The following CHD9 variants were observed in gnomAD, a reference collection of about 807,000 sequenced individuals.
The protein encoded by CHD9 is ATP-dependent chromatin remodeler CHD9.
In CHD9, 77 loss-of-function variants were observed where a neutral mutation model predicts 316.1. The observed-to-expected ratio is 0.24, with a 90% CI of 0.20 to 0.29. The LOEUF (loss-of-function observed/expected upper bound fraction) is 0.29. CHD9 is among the 10% of genes least tolerant of loss of function. The pLI is 1.00. For missense variants in CHD9, 2,763 were observed against 3,438.1 expected (o/e 0.80, Z 4.91); for synonymous variants, 1,129 against 1,158.3 (o/e 0.97, Z 0.51).
chr16:53,077,473 G>A (rs776967911), intron 1 of CHD9, among the ~76,000 whole-genome samples: 10 of 151,702 alleles, frequency 6.6e-5, no homozygotes, highest in Non-Finnish European at 1.3e-4. Context: ...ACAGGCACCC[G>A]CCACCACGCC....
intron 11 of CHD9, among the ~76,000 whole-genome samples, chr16:53,236,526 A>G (rs1339490315): frequency 6.6e-6 from 1 of 151,792 alleles, no homozygotes; most frequent in Non-Finnish European, 1.5e-5. Flanking sequence ...CCATCCCTTC[A>G]GTCTATGAAC....
intron 24 of CHD9, among the ~76,000 whole-genome samples, chr16:53,279,060 G>C (rs189729408): frequency 6.6e-6 from 1 of 152,076 alleles, no homozygotes. Flanking sequence ...ACATGCACAC[G>C]TACGTATATT....
chr16:53,248,714 G>C (rs1242750659), intron 16 of CHD9, among the ~76,000 whole-genome samples: 1 of 151,492 alleles, frequency 6.6e-6, no homozygotes, highest in Non-Finnish European at 1.5e-5. Flanking sequence ...TAGAGACAGG[G>C]TCTCACTGTG....
chr16:53,317,862 T>C (rs940400607), intron 36 of CHD9, among the ~76,000 whole-genome samples: 3 of 152,024 alleles, frequency 2.0e-5, no homozygotes, highest in African/African-American at 4.8e-5. Flanking sequence ...AAGATCAGCC[T>C]GGGCAATGCG....
At chr16:53,321,941 T>TA (rs1256342878) in intron 38 of CHD9, among the ~76,000 whole-genome samples, 5 of 151,752 alleles carry the variant, frequency 3.3e-5, no homozygotes, top group Non-Finnish European at 7.4e-5. Flanking sequence ...AAATTGAGAA[T>TA]AAATTAATAG....
chr16:53,161,904 C>T (rs2041939858), intron 2 of CHD9, among the ~76,000 whole-genome samples: 1 of 152,112 alleles, frequency 6.6e-6, no homozygotes. Context: ...AGGCATGCAC[C>T]ACCATGCCCC....
In CHD9 at chr16:53,226,408, G is replaced by C. The variant is rs746747482; in HGVS notation, c.1939G>C (p.Glu647Gln). The C allele has an allele frequency of 1.7e-5, 27 of 1,588,186 alleles. No individual in the cohort carries two copies. Among genetic ancestry groups the C allele is most frequent in the Non-Finnish European group, 2.3e-5 (27 of 1,170,866 alleles). ...ACAAATTAAAAGAAAAAAATACGCA[G>C]AAGATATAGAAGGGAAGCAATCTGA... ...NRQIKRKKYAEDIEGKQSEEE... is the reference protein window; with the variant it reads ...NRQIKRKKYAQDIEGKQSEEE... The change falls in exon 5 of 39, where the codon GAA becomes CAA. Residue 647 changes from glutamate to glutamine, a missense_variant. Around this residue, in one of 15 missense-constraint regions of CHD9, gnomAD observed 859 missense variants for 890.4 expected, o/e 0.96. Coordinates refer to ENST00000447540, the MANE Select transcript of CHD9 (RefSeq NM_001308319.2).
In CHD9 at chr16:53,318,334, T is replaced by C. The variant is rs1175301304; in HGVS notation, c.7707T>C (p.Ala2569=). ...ERVQLINRRN[A]RKVGGAFAPP... Reference sequence around the variant, plus strand: ...TTCAACTGATTAACAGAAGAAATGCTAGAAAGGTATTTTAATGTTTTTTTC... The same window carrying C: ...TTCAACTGATTAACAGAAGAAATGCCAGAAAGGTATTTTAATGTTTTTTTC... The change falls in exon 37 of 39, where the codon GCT becomes GCC. Residue 2569 remains alanine (A), a synonymous_variant. Transcript: ENST00000447540. 4 of 1,595,324 alleles carry C rather than the reference T, an allele frequency of 2.5e-6. No homozygotes were observed. The highest frequency in any genetic ancestry group is 1.4e-5 in the African/African-American group (1 of 73,796).
rs761018128 is a variant in CHD9, at chr16:53,324,135, C to T, written c.7934C>T (p.Ala2645Val). The T allele has an allele frequency of 1.2e-6, 2 of 1,613,986 alleles. No homozygotes were observed. The highest frequency in any genetic ancestry group is 2.2e-5 in the South Asian group (2 of 91,084). Residue 2645 changes from alanine (A) to valine (V), a missense_variant, in exon 39 of 39, where the codon GCA becomes GTA. Physicochemically the swap from Ala to Val is moderately conservative, Grantham distance 64 (BLOSUM62 0). Transcript: ENST00000447540. ...GGAATTGCAAAGGCCACAGCAGCAG[C>T]AGCTGCTGCATCTGCCACCAGTGTT... is the stretch of plus-strand genomic sequence containing the variant. ...KSGIAKATAA[A>V]AAASATSVSG...
intron 2 of CHD9, among the ~76,000 whole-genome samples, chr16:53,177,231 C>G (rs983207584): frequency 6.6e-6 from 1 of 152,166 alleles, no homozygotes; most frequent in African/African-American, 2.4e-5. Context: ...GCTAGGATTA[C>G]AGGTGTGAGC....
chr16:53,124,919 A>C (rs561193871), intron 1 of CHD9, among the ~76,000 whole-genome samples: 1 of 152,164 alleles, frequency 6.6e-6, no homozygotes, highest in African/African-American at 2.4e-5. Context: ...CAGTCAAACC[A>C]TATCACACTT....
chr16:53,308,890 T>A (rs748395777), intron 34 of CHD9, 36 bp downstream of exon 34: 1 of 1,532,118 alleles, frequency 6.5e-7, no homozygotes, highest in Admixed American at 1.9e-5. Context: ...TACTATGAAA[T>A]ATTTTCTGTC....
rs1007304850 is a variant in CHD9, at chr16:53,192,995, T to TA, written c.1453-16483dup. 7.4e-4 allele frequency among the ~76,000 whole-genome samples: 112 copies of TA among 152,054 alleles called. 1 individual carries two copies. The highest frequency in any genetic ancestry group is 2.6e-3 in the African/African-American group (106 of 41,444). ...TCACTCTCGGGTAAATATATAAGTG[T>TA]AAAATTGCTGAGGGTCATATGTTGA... On this transcript the variant is annotated intron_variant, in intron 2 of 38. Coordinates refer to ENST00000447540, the MANE Select transcript of CHD9 (RefSeq NM_001308319.2).
rs1567391146 is a variant in CHD9 at position 53,156,497 on chromosome 16, A to C, written c.408A>C (p.Gln136His). 2.5e-6 allele frequency: 4 copies of C among 1,613,990 alleles called. No individual in the cohort carries two copies. The highest frequency in any genetic ancestry group is 2.5e-6 in the Non-Finnish European group (3 of 1,179,888). Residue 136 changes from glutamine to histidine, a missense_variant, in exon 2 of 39, where the codon CAA (glutamine) becomes CAC (histidine). This residue lies in a region of CHD9 where 859 missense variants were observed against 890.4 expected (regional missense o/e 0.96). Coordinates refer to ENST00000447540, the MANE Select transcript of CHD9 (RefSeq NM_001308319.2). ...AGACAGCTACTACCATTTCAAATCA[A>C]AATGGATCTCCTTTTCACCAACAAG... is the stretch of plus-strand genomic sequence containing the variant. ...GHQTATTISN[Q>H]NGSPFHQQGH...
At chr16:53,110,975 G>C (rs75595879) in intron 1 of CHD9, among the ~76,000 whole-genome samples, 1 of 152,048 alleles carries the variant, frequency 6.6e-6, no homozygotes, top group Admixed American at 6.6e-5. Flanking sequence ...ACATTTTTTG[G>C]GGAGTTGACC....
chr16:53,246,414 T>C (rs1437511987), intron 15 of CHD9, among the ~76,000 whole-genome samples: 1 of 152,188 alleles, frequency 6.6e-6, no homozygotes, highest in African/African-American at 2.4e-5. Context: ...TTAATTCTGA[T>C]TTGGATTATC....
At position 53,226,435 on chromosome 16, in the gene CHD9, G is replaced by A. The variant is rs2047663540; in HGVS notation, c.1966G>A (p.Glu656Lys). The A allele has an allele frequency of 6.2e-7, 1 of 1,605,198 alleles. No individual in the cohort carries two copies. The highest frequency in any genetic ancestry group is 8.5e-7 in the Non-Finnish European group (1 of 1,177,216). The change falls in exon 5 of 39, where the codon GAA (glutamate) becomes AAA (lysine). Residue 656 changes from glutamate to lysine, a missense_variant. By Grantham distance (56) the Glu-to-Lys change is moderately conservative. Transcript: ENST00000447540. The part of the protein sequence containing the change: ...AEDIEGKQSE[E>K]EVKGSMKIKK... Reference sequence around the variant, plus strand: ...AGATATAGAAGGGAAGCAATCTGAAGAAGAGGTTAAAGGTTCTATGAAAAT... The same window carrying A: ...AGATATAGAAGGGAAGCAATCTGAAAAAGAGGTTAAAGGTTCTATGAAAAT...
chr16:53,320,002 A>C, intron 37 of CHD9: 1 of 322,836 alleles, frequency 3.1e-6, no homozygotes, highest in Non-Finnish European at 4.5e-6. Flanking sequence ...ACTTCTTTAA[A>C]TATATTATAT....
In CHD9 at chr16:53,299,944, A is replaced by T. The variant is rs867413484; in HGVS notation, c.5713+2786A>T. ...TACAAGCCAGAAACCTACAACACCA[A>T]CCTTTGTTACAAGTGTTACATTTAC... On this transcript the variant is annotated intron_variant, in intron 30 of 38. Coordinates refer to ENST00000447540, the MANE Select transcript of CHD9 (RefSeq NM_001308319.2). 9.8e-5 allele frequency among the ~76,000 whole-genome samples: 15 copies of T among 152,292 alleles called. 1 individual carries two copies. The highest frequency in any genetic ancestry group is 6.8e-3 in the Middle Eastern group (2 of 294).
Sources: allele counts gnomAD v4.1 joint callset (sites outside exome capture counted in the v4.1 genomes callset), GRCh38; gene constraint gnomAD v4.1.1; regional missense constraint gnomAD v4.1.1; transcripts MANE v1.5; gene names NCBI Gene and HGNC (gene_info 2026-07-23, HGNC 2026-07-21).